Variants in SEL1L3 observed in about 807,000 individuals in gnomAD.
SEL1L3 encodes SEL1L family member 3.
In SEL1L3, 76 loss-of-function variants were observed where a neutral mutation model predicts 142.8. The observed-to-expected ratio is 0.53, with a 90% CI of 0.44 to 0.64. The LOEUF (loss-of-function observed/expected upper bound fraction) is 0.64. Among genes scored for constraint, SEL1L3 ranks in the 30% least tolerant of loss-of-function variants. The pLI, the probability that SEL1L3 is intolerant of heterozygous loss-of-function variation, is 0.00. For synonymous variants in SEL1L3, 504 were observed against 519.6 expected (o/e 0.97, Z 0.41); for missense variants, 1,262 against 1,381.7 (o/e 0.91, Z 1.37).
intron 9 of SEL1L3, among the ~76,000 whole-genome samples, chr4:25,811,998 C>T (rs953572971): frequency 6.6e-5 from 10 of 152,168 alleles, no homozygotes; most frequent in African/African-American, 2.4e-4. Context: ...TTACACCATT[C>T]GATCCTACAT....
intron 9 of SEL1L3, 129 bp downstream of exon 9, chr4:25,818,009 G>C: frequency 6.2e-6 from 6 of 964,330 alleles, no homozygotes; most frequent in Non-Finnish European, 9.1e-6. Flanking sequence ...ATTTAAATCT[G>C]AAATTAAACT....
chr4:25,778,798 T>C (rs1719809172), intron 16 of SEL1L3, among the ~76,000 whole-genome samples: 1 of 152,088 alleles, frequency 6.6e-6, no homozygotes, highest in Non-Finnish European at 1.5e-5. Context: ...AAATAAATCT[T>C]TCAAAAAAGA....
At chr4:25,833,349 T>C in intron 4 of SEL1L3, 99 bp downstream of exon 4, 2 of 1,192,538 alleles carry the variant, frequency 1.7e-6, no homozygotes, top group Non-Finnish European at 1.2e-6. Flanking sequence ...TGGGCTGCCA[T>C]GTTGACAGGA....
rs570758472 is a variant in SEL1L3 at position 25,842,398 on chromosome 4, G to A, written c.733+4896C>T. Reference sequence around the variant, plus strand: ...TGCTTCGTGGGCAGGGGGAGTCGGGGCGGAACAGGAGCTATTCTAAGGAAA... The same window carrying A: ...TGCTTCGTGGGCAGGGGGAGTCGGGACGGAACAGGAGCTATTCTAAGGAAA... On this transcript the variant is annotated intron_variant, in intron 2 of 23. Transcript: ENST00000399878. 9.8e-4 allele frequency among the ~76,000 whole-genome samples: 149 copies of A among 152,176 alleles called. 1 individual carries two copies. Among genetic ancestry groups the A allele is most frequent in the African/African-American group, 3.5e-3 (144 of 41,504 alleles).
At chr4:25,795,014 A>G (rs1712617888) in intron 11 of SEL1L3, among the ~76,000 whole-genome samples, 1 of 124,186 alleles carries the variant, frequency 8.1e-6, no homozygotes, top group East Asian at 2.7e-4. Flanking sequence ...ATGAGAATAC[A>G]TGGACACAGG....
At chr4:25,803,695 A>G (rs1408633617) in intron 10 of SEL1L3, among the ~76,000 whole-genome samples, 2 of 152,202 alleles carry the variant, frequency 1.3e-5, no homozygotes, top group East Asian at 3.8e-4. Context: ...AATAGGACAA[A>G]AAGGCAGAGG....
downstream of SEL1L3, among the ~76,000 whole-genome samples, chr4:25,745,712 A>T (rs1479912609): frequency 6.6e-6 from 1 of 152,196 alleles, no homozygotes; most frequent in African/African-American, 2.4e-5. Context: ...ACAACAAAGA[A>T]CCATCCAGCT....
At chr4:25,728,245 T>C in the SEL1L3 span, among the ~76,000 whole-genome samples, 1 of 152,204 alleles carries the variant, frequency 6.6e-6, no homozygotes, top group Non-Finnish European at 1.5e-5. Flanking sequence ...TTTCAGTTTC[T>C]TGACCCATGG....
the SEL1L3 span, among the ~76,000 whole-genome samples, chr4:25,736,982 TTTTTC>T: frequency 9.2e-6 from 1 of 109,174 alleles, no homozygotes; most frequent in Non-Finnish European, 2.1e-5. Context: ...TTTTTTTTTC[TTTTTC>T]TTTTTTTTCT....
chr4:25,798,264 A>T (rs1450229270), intron 11 of SEL1L3, among the ~76,000 whole-genome samples: 2 of 152,202 alleles, frequency 1.3e-5, no homozygotes, highest in African/African-American at 4.8e-5. Context: ...TAGAATCAAC[A>T]TCTCTAGAAT....
chr4:25,789,978 C>T (rs1712180329), intron 12 of SEL1L3, among the ~76,000 whole-genome samples: 1 of 152,240 alleles, frequency 6.6e-6, no homozygotes, highest in Non-Finnish European at 1.5e-5. Flanking sequence ...TATTGCTCTC[C>T]TAGCTGAGTT....
At chr4:25,838,945 A>G (rs1419771898) in intron 2 of SEL1L3, among the ~76,000 whole-genome samples, 2 of 152,238 alleles carry the variant, frequency 1.3e-5, no homozygotes, top group East Asian at 3.9e-4. Context: ...CCCACTCCAG[A>G]TGTGCTTCGA....
intron 13 of SEL1L3, among the ~76,000 whole-genome samples, chr4:25,786,620 C>T (rs1711858878): frequency 6.6e-6 from 1 of 152,126 alleles, no homozygotes; most frequent in Non-Finnish European, 1.5e-5. Context: ...TGATCTAGGT[C>T]CTCTGCCTTC....
At chr4:25,859,952 T>C (rs757699349) in intron 1 of SEL1L3, among the ~76,000 whole-genome samples, 5 of 152,212 alleles carry the variant, frequency 3.3e-5, no homozygotes, top group Non-Finnish European at 7.3e-5. Flanking sequence ...GCTCTGCTAA[T>C]GGCCCGTACA....
chr4:25,720,568 T>C, the SEL1L3 span: 2 of 152,270 alleles, frequency 1.3e-5, no homozygotes, highest in East Asian at 1.9e-4. Flanking sequence ...ATCTACGAAG[T>C]GTCAATACCA....
At position 25,822,137 on chromosome 4, in the gene SEL1L3, G is replaced by A; in HGVS notation, c.1158-9C>T. 1 of 1,613,834 alleles carries A rather than the reference G, an allele frequency of 6.2e-7. No individual in the cohort carries two copies. The highest frequency in any genetic ancestry group is 8.5e-7 in the Non-Finnish European group (1 of 1,179,772). ...GGAAATCCTCCCGGAAGCTAGAGAA[G>A]AGAATGAAGGATTAAGAGAGCTCCA... On this transcript the variant is annotated splice_polypyrimidine_tract_variant and intron_variant, in intron 6 of 23. Coordinates refer to ENST00000399878, the MANE Select transcript of SEL1L3 (RefSeq NM_015187.5).
At chr4:25,816,810 G>A (rs890758617) in intron 9 of SEL1L3, among the ~76,000 whole-genome samples, 1 of 152,094 alleles carries the variant, frequency 6.6e-6, no homozygotes, top group African/African-American at 2.4e-5. Context: ...ATGCTGTGCT[G>A]TTACCACCTC....
In SEL1L3 at chr4:25,847,290, C is replaced by T; in HGVS notation, c.733+4G>A. 1 of 1,604,474 alleles carries T rather than the reference C, an allele frequency of 6.2e-7. No individual in the cohort carries two copies. The highest frequency in any genetic ancestry group is 8.5e-7 in the Non-Finnish European group (1 of 1,174,786). Reference sequence around the variant, plus strand: ...TTAGGTTCCTAGCAAGATAGATGACCTACCATTTTCCAGAGGACACTGTGG... The same window carrying T: ...TTAGGTTCCTAGCAAGATAGATGACTTACCATTTTCCAGAGGACACTGTGG... On this transcript the variant is annotated splice_donor_region_variant and intron_variant, in intron 2 of 23. Transcript: ENST00000399878.
chr4:25,839,048 G>C (rs1428664472), intron 2 of SEL1L3, among the ~76,000 whole-genome samples: 1 of 152,186 alleles, frequency 6.6e-6, no homozygotes, highest in South Asian at 2.1e-4. Flanking sequence ...CTACAAGTCT[G>C]TAAGCAAAAT....
Sources: gnomAD v4.1 joint callset for allele counts (sites outside exome capture counted in the v4.1 genomes callset) on GRCh38, gnomAD v4.1.1 for gene constraint, MANE v1.5 for transcripts, NCBI Gene and HGNC (gene_info 2026-07-23, HGNC 2026-07-21) for gene names.